TMEM117: variants seen among roughly 807,000 people sequenced by gnomAD.
TMEM117 encodes transmembrane protein 117.
TMEM117 carries 27 observed loss-of-function variants against 52.4 expected under a neutral mutation model. That is an observed-to-expected ratio of 0.51 (90% CI 0.38 to 0.71). The LOEUF (loss-of-function observed/expected upper bound fraction) is 0.71. Among genes scored for constraint, TMEM117 ranks in the 30% least tolerant of loss-of-function variants. The probability of loss-of-function intolerance (pLI) is 0.00; values close to 1 mark genes in which losing one functional copy is unlikely to be tolerated. For missense variants in TMEM117, 556 were observed against 630.5 expected (o/e 0.88, Z 1.26); for synonymous variants, 215 against 206.3 (o/e 1.04, Z -0.36).
the TMEM117 span, chr12:43,806,075 G>A: frequency 6.6e-7 from 1 of 1,517,590 alleles, no homozygotes; most frequent in Non-Finnish European, 8.8e-7. Flanking sequence ...GCAGGAGCGC[G>A]GAGAGGCGCC....
intron 3 of TMEM117, among the ~76,000 whole-genome samples, chr12:44,015,861 C>G (rs967891944): frequency 1.8e-4 from 27 of 151,980 alleles, no homozygotes; most frequent in Non-Finnish European, 8.8e-5. Flanking sequence ...TACCAAACAA[C>G]AAATAAGACT....
At chr12:44,174,248 C>T (rs915494984) in intron 4 of TMEM117, among the ~76,000 whole-genome samples, 2 of 152,084 alleles carry the variant, frequency 1.3e-5, no homozygotes, top group Non-Finnish European at 2.9e-5. Flanking sequence ...GGGCCATATC[C>T]AGCCTACCAT....
intron 3 of TMEM117, among the ~76,000 whole-genome samples, chr12:44,029,337 A>G (rs903441048): frequency 1.3e-5 from 2 of 152,168 alleles, no homozygotes. Flanking sequence ...CTTTGGAATA[A>G]TCTGCTTAGC....
intron 5 of TMEM117, among the ~76,000 whole-genome samples, chr12:44,218,570 C>A (rs1008941381): frequency 2.6e-5 from 4 of 152,144 alleles, no homozygotes; most frequent in African/African-American, 9.7e-5. Flanking sequence ...CTGAACATGC[C>A]AAGGTTGCTC....
chr12:44,393,396 A>C (rs993920364), downstream of TMEM117, among the ~76,000 whole-genome samples: 3 of 147,630 alleles, frequency 2.0e-5, no homozygotes, highest in Non-Finnish European at 3.0e-5. Context: ...TAATGATACC[A>C]CCATTTTGAA....
intron 3 of TMEM117, among the ~76,000 whole-genome samples, chr12:43,978,536 A>G (rs557250592): frequency 1.1e-3 from 170 of 152,300 alleles, no homozygotes; most frequent in African/African-American, 3.8e-3. Context: ...CAGAGCTGTC[A>G]GTAAAAGGTG....
intron 6 of TMEM117, among the ~76,000 whole-genome samples, chr12:44,323,882 A>G (rs1951164497): frequency 6.6e-6 from 1 of 152,078 alleles, no homozygotes; most frequent in Non-Finnish European, 1.5e-5. Context: ...CAATTTTTAA[A>G]ATCATGGTTA....
intron 3 of TMEM117, among the ~76,000 whole-genome samples, chr12:44,079,113 T>C (rs1947435958): frequency 1.3e-5 from 2 of 152,296 alleles, no homozygotes; most frequent in East Asian, 1.9e-4. Flanking sequence ...CAGCCTATCA[T>C]TGATGGACAT....
chr12:44,211,882 TTTG>T (rs1183847067), intron 5 of TMEM117, among the ~76,000 whole-genome samples: 1 of 152,212 alleles, frequency 6.6e-6, no homozygotes, highest in African/African-American at 2.4e-5. Flanking sequence ...CTTATGGAAC[TTTG>T]TTTTTTGTGA....
At chr12:43,812,299 T>C in the TMEM117 span, among the ~76,000 whole-genome samples, 1 of 152,228 alleles carries the variant, frequency 6.6e-6, no homozygotes, top group African/African-American at 2.4e-5. Flanking sequence ...GGGAACAATT[T>C]CTCTCTGGCC....
chr12:43,967,772 T>C (rs943154894), intron 3 of TMEM117, among the ~76,000 whole-genome samples: 2 of 152,264 alleles, frequency 1.3e-5, no homozygotes, highest in Non-Finnish European at 2.9e-5. Flanking sequence ...GAATGCTTTC[T>C]GTTTTAAACT....
At chr12:44,289,191 T>G (rs1950671611) in intron 5 of TMEM117, among the ~76,000 whole-genome samples, 1 of 151,904 alleles carries the variant, frequency 6.6e-6, no homozygotes, top group Admixed American at 6.6e-5. Flanking sequence ...AATGGAAGGA[T>G]TTCATCTCTT....
At chr12:43,876,181 T>G (rs1258199801) in intron 2 of TMEM117, among the ~76,000 whole-genome samples, 1 of 152,224 alleles carries the variant, frequency 6.6e-6, no homozygotes, top group Non-Finnish European at 1.5e-5. Context: ...ATTGTTCACC[T>G]TGCATTTATG....
chr12:44,118,331 G>A (rs953706013), intron 3 of TMEM117, among the ~76,000 whole-genome samples: 2 of 152,120 alleles, frequency 1.3e-5, no homozygotes, highest in African/African-American at 2.4e-5. Flanking sequence ...ATTCTATTAG[G>A]TACCTACGTT....
At chr12:44,037,937 C>T (rs1946736505) in intron 3 of TMEM117, among the ~76,000 whole-genome samples, 1 of 152,010 alleles carries the variant, frequency 6.6e-6, no homozygotes, top group Non-Finnish European at 1.5e-5. Context: ...GAGGAGCTAC[C>T]CCCTGGGGGT....
intron 6 of TMEM117, among the ~76,000 whole-genome samples, chr12:44,372,333 T>C (rs1335739482): frequency 6.6e-6 from 1 of 152,218 alleles, no homozygotes; most frequent in East Asian, 1.9e-4. Context: ...ATATATATTT[T>C]ACATTTATGT....
intron 2 of TMEM117, among the ~76,000 whole-genome samples, chr12:43,875,746 T>C (rs1943784322): frequency 6.6e-6 from 1 of 152,190 alleles, no homozygotes; most frequent in South Asian, 2.1e-4. Flanking sequence ...AATGACAAAT[T>C]ATCACTCCAT....
At chr12:44,357,054 C>T (rs1404897017) in intron 6 of TMEM117, among the ~76,000 whole-genome samples, 1 of 152,142 alleles carries the variant, frequency 6.6e-6, no homozygotes, top group Non-Finnish European at 1.5e-5. Context: ...TATTGGACTT[C>T]TCACTGTCAT....
intron 6 of TMEM117, among the ~76,000 whole-genome samples, chr12:44,364,442 A>G (rs1951763395): frequency 6.6e-6 from 1 of 152,166 alleles, no homozygotes; most frequent in African/African-American, 2.4e-5. Flanking sequence ...GAAATATGAT[A>G]TATTGCAGAG....
Sources: gnomAD v4.1 joint callset for allele counts (sites outside exome capture counted in the v4.1 genomes callset) on GRCh38, gnomAD v4.1.1 for gene constraint, MANE v1.5 for transcripts, NCBI Gene and HGNC (gene_info 2026-07-23, HGNC 2026-07-21) for gene names.